Variants in CNTNAP5 observed in about 807,000 individuals in gnomAD.
The protein encoded by CNTNAP5 is contactin-associated protein-like 5.
CNTNAP5 carries 72 observed loss-of-function variants against 150.2 expected under a neutral mutation model. The observed-to-expected ratio is 0.48, with a 90% CI of 0.40 to 0.58. CNTNAP5 has a LOEUF of 0.58. CNTNAP5 is among the 20% of genes least tolerant of loss of function. The pLI is 0.00. For missense variants in CNTNAP5, 1,636 were observed against 1,626.2 expected (o/e 1.01, Z -0.10); for synonymous variants, 672 against 619.8 (o/e 1.08, Z -1.25).
intron 11 of CNTNAP5, among the ~76,000 whole-genome samples, chr2:124,597,119 A>G (rs1163998844): frequency 2.0e-5 from 3 of 150,442 alleles, no homozygotes; most frequent in South Asian, 2.2e-4. Flanking sequence ...GTGTCTTTTA[A>G]TTGGAGCATT....
At chr2:124,528,301 G>T (rs545921784) in intron 10 of CNTNAP5, among the ~76,000 whole-genome samples, 1 of 152,282 alleles carries the variant, frequency 6.6e-6, no homozygotes, top group African/African-American at 2.4e-5. Flanking sequence ...ACCAAGAAAT[G>T]CACCCTTATT....
intron 11 of CNTNAP5, 38 bp downstream of exon 11, chr2:124,563,361 A>T (rs762588324): frequency 8.2e-7 from 1 of 1,225,098 alleles, no homozygotes; most frequent in East Asian, 2.5e-5. Context: ...TGGCTTGGAC[A>T]AAACTCCAGG....
chr2:124,434,653 C>T lies in CNTNAP5; in HGVS notation c.699C>T (p.Leu233=), dbSNP rs1692483185. The part of the protein sequence containing the change: ...GQRGDHITLE[L]QKGRLALHLN... ...GTGGAGACCACATCACCTTGGAACT[C>T]CAGAAGGGGAGGCTCGCCCTACACC... Residue 233 remains leucine (L), a synonymous_variant, in exon 5 of 24, where the codon CTC becomes CTT. Coordinates refer to ENST00000682447, the MANE Select transcript of CNTNAP5 (RefSeq NM_001367498.1). 7 of 1,613,370 alleles carry T rather than the reference C, an allele frequency of 4.3e-6. No homozygotes were observed. Among genetic ancestry groups the T allele is most frequent in the Admixed American group, 3.3e-5 (2 of 59,902 alleles).
intron 13 of CNTNAP5, among the ~76,000 whole-genome samples, chr2:124,710,879 A>G (rs1455410048): frequency 2.0e-5 from 3 of 152,290 alleles, no homozygotes; most frequent in Non-Finnish European, 4.4e-5. Flanking sequence ...AAAGTTTTCC[A>G]CTGCTTCTCT....
At chr2:124,203,662 A>G (rs1685784759) in intron 1 of CNTNAP5, among the ~76,000 whole-genome samples, 2 of 152,240 alleles carry the variant, frequency 1.3e-5, no homozygotes, top group Admixed American at 1.3e-4. Context: ...CCACAGGTAC[A>G]ACACCAGATG....
intron 13 of CNTNAP5, among the ~76,000 whole-genome samples, chr2:124,657,625 A>G (rs1678487109): frequency 6.6e-6 from 1 of 152,138 alleles, no homozygotes; most frequent in Non-Finnish European, 1.5e-5. Flanking sequence ...CATGGCTCCA[A>G]ACCTTTCCCT....
intron 13 of CNTNAP5, among the ~76,000 whole-genome samples, chr2:124,653,482 A>G (rs544444803): frequency 1.8e-4 from 27 of 151,746 alleles, no homozygotes; most frequent in Non-Finnish European, 3.4e-4. Flanking sequence ...AGTATATGCT[A>G]TGTCATATTT....
chr2:124,683,388 A>C (rs1421425434), intron 13 of CNTNAP5, among the ~76,000 whole-genome samples: 3 of 152,162 alleles, frequency 2.0e-5, no homozygotes, highest in Non-Finnish European at 4.4e-5. Flanking sequence ...TTATTAAAAC[A>C]GTTTTTATTT....
rs1689722568 is a variant in CNTNAP5, at chr2:124,345,740, A to G, written c.382-71703A>G. Among the ~76,000 whole-genome samples, 3 of 152,204 alleles carry G rather than the reference A, an allele frequency of 2.0e-5. No individual in the cohort carries two copies. The South Asian group carries it at 6.2e-4, about 31-fold the overall frequency. On this transcript the variant is annotated intron_variant, in intron 3 of 23. Transcript: ENST00000682447. The stretch of plus-strand genomic sequence containing the variant: ...AGGACAGAGTTGAAGTGACATTGCC[A>G]CAATGCTGCTAAATCTCTCATGATC...
intron 6 of CNTNAP5, among the ~76,000 whole-genome samples, chr2:124,454,647 A>C (rs1404175544): frequency 6.6e-6 from 1 of 152,152 alleles, no homozygotes; most frequent in African/African-American, 2.4e-5. Context: ...TAGGCCACAA[A>C]ATGAACCTCA....
intron 10 of CNTNAP5, among the ~76,000 whole-genome samples, chr2:124,529,377 G>A (rs550642152): frequency 1.3e-5 from 2 of 152,216 alleles, no homozygotes; most frequent in Admixed American, 1.3e-4. Flanking sequence ...TGCATCATTA[G>A]TTTTGTGTAA....
rs1696500584 is a variant in CNTNAP5, at chr2:124,585,159, G to A, written c.1756+21836G>A. On this transcript the variant is annotated intron_variant, in intron 11 of 23. Coordinates refer to ENST00000682447, the MANE Select transcript of CNTNAP5 (RefSeq NM_001367498.1). ...TCTCACTCACACTGCAGGATGGCTG[G>A]TACATGAAGCTGTACAGGGGCTCAA... Among the ~76,000 whole-genome samples, 3 of 152,270 alleles carry A rather than the reference G, an allele frequency of 2.0e-5. 1 individual carries two copies. Among genetic ancestry groups the A allele is most frequent in the East Asian group, 3.9e-4 (2 of 5,182 alleles).
At chr2:124,496,120 T>C (rs1558927311) in intron 7 of CNTNAP5, among the ~76,000 whole-genome samples, 1 of 151,884 alleles carries the variant, frequency 6.6e-6, no homozygotes, top group African/African-American at 2.4e-5. Flanking sequence ...AACTGCTTAA[T>C]AGAGAACTGC....
At chr2:124,102,673 C>T (rs1158192850) in intron 1 of CNTNAP5, among the ~76,000 whole-genome samples, 2 of 152,188 alleles carry the variant, frequency 1.3e-5, no homozygotes, top group South Asian at 4.1e-4. Context: ...GAGTCTCCTC[C>T]TCCCGGGAAA....
intron 8 of CNTNAP5, among the ~76,000 whole-genome samples, chr2:124,510,607 G>T (rs2104871524): frequency 6.7e-6 from 1 of 150,060 alleles, no homozygotes; most frequent in South Asian, 2.1e-4. Context: ...TTGGTGCTCA[G>T]TACTGATTCC....
chr2:124,888,889 GGTTGTCTATTTACCCT>G (rs1427538531), intron 21 of CNTNAP5, among the ~76,000 whole-genome samples: 1 of 151,836 alleles, frequency 6.6e-6, no homozygotes, highest in Non-Finnish European at 1.5e-5. Flanking sequence ...CCATTGTGTA[GGTTGTCTATTTACCCT>G]GTTGATTTCT....
At chr2:124,557,506 C>T (rs574672931) in intron 10 of CNTNAP5, among the ~76,000 whole-genome samples, 3 of 152,314 alleles carry the variant, frequency 2.0e-5, no homozygotes, top group Non-Finnish European at 2.9e-5. Flanking sequence ...CATTCATTCA[C>T]TCAATCTACA....
intron 12 of CNTNAP5, among the ~76,000 whole-genome samples, chr2:124,638,200 A>AATACATATATATG (rs148089008): frequency 1.8e-4 from 27 of 147,774 alleles, no homozygotes; most frequent in Non-Finnish European, 2.4e-4. Context: ...AGATATATAT[A>AATACATATATATG]ATACATATAT....
At position 124,919,216 on chromosome 2, in the gene CNTNAP5, G is replaced by C. The variant is rs1178038940; in HGVS notation, c.*4928G>C. 6.6e-6 allele frequency among the ~76,000 whole-genome samples: 1 copy of C among 152,062 alleles called. No homozygotes were observed. The highest frequency in any genetic ancestry group is 1.5e-5 in the Non-Finnish European group (1 of 68,004). On this transcript the variant is annotated 3_prime_UTR_variant, in exon 24 of 24. Coordinates refer to ENST00000682447, the MANE Select transcript of CNTNAP5 (RefSeq NM_001367498.1). ...ATTCTACATACATATCTGTTTGGTAGGGAGAGAAGCATTCCTCTTTTATGT... is the reference window on the plus strand; with the variant it reads ...ATTCTACATACATATCTGTTTGGTACGGAGAGAAGCATTCCTCTTTTATGT...
Sources: allele counts gnomAD v4.1 joint callset (sites outside exome capture counted in the v4.1 genomes callset), GRCh38; gene constraint gnomAD v4.1.1; transcripts MANE v1.5; gene names NCBI Gene and HGNC (gene_info 2026-07-23, HGNC 2026-07-21).